Variants in NT5E observed in about 807,000 individuals in gnomAD.
NT5E encodes 5'-nucleotidase.
In NT5E, 53 loss-of-function variants were observed where a neutral mutation model predicts 55.1. The observed-to-expected ratio is 0.96, with a 90% CI of 0.77 to 1.21. The LOEUF is 1.21. NT5E is among the 50% of genes most tolerant of loss of function. The pLI, the probability that NT5E is intolerant of heterozygous loss-of-function variation, is 0.00. For missense variants in NT5E, 683 were observed against 724.3 expected (o/e 0.94, Z 0.65); for synonymous variants, 270 against 278.4 (o/e 0.97, Z 0.30).
At chr6:85,479,027 G>T (rs535285584) in intron 3 of NT5E, among the ~76,000 whole-genome samples, 1 of 151,950 alleles carries the variant, frequency 6.6e-6, no homozygotes, top group Non-Finnish European at 1.5e-5. Flanking sequence ...GTCATAAGGC[G>T]GTAGGACTAT....
chr6:85,474,871 A>C (rs988506152), intron 3 of NT5E, among the ~76,000 whole-genome samples: 11 of 152,122 alleles, frequency 7.2e-5, no homozygotes, highest in African/African-American at 2.4e-4. Context: ...GAGGTTGAGG[A>C]TGCAGTGAGC....
chr6:85,483,464 C>A (rs1462346586), intron 3 of NT5E, among the ~76,000 whole-genome samples: 1 of 152,250 alleles, frequency 6.6e-6, no homozygotes, highest in Non-Finnish European at 1.5e-5. Flanking sequence ...ATCACGTTAT[C>A]TGCCACTGTC....
chr6:85,492,003 C>G lies in NT5E; in HGVS notation c.1387C>G (p.Arg463Gly). ...GGIHVVYDLS[R>G]KPGDRVVKLD... is the part of the protein sequence containing the mutation. Reference sequence around the variant, plus strand: ...AATCCATGTGGTGTATGATCTTTCCCGAAAACCTGGAGACAGAGTAGTCAA... The same window carrying G: ...AATCCATGTGGTGTATGATCTTTCCGGAAAACCTGGAGACAGAGTAGTCAA... Residue 463 changes from arginine to glycine, a missense_variant, in exon 8 of 9, where the codon CGA becomes GGA. Coordinates refer to ENST00000257770, the MANE Select transcript of NT5E (RefSeq NM_002526.4). The G allele has an allele frequency of 6.2e-7, 1 of 1,614,024 alleles. No homozygotes were observed. The highest frequency in any genetic ancestry group is 8.5e-7 in the Non-Finnish European group (1 of 1,179,958).
rs750418211 is a variant in NT5E at position 85,490,667 on chromosome 6, CCA to C, written c.1360+11_1360+12del. 2.9e-4 allele frequency: 460 copies of C among 1,613,634 alleles called. 7 individuals carry two copies. The South Asian group carries it at 4.5e-3, about 16-fold the overall frequency. The stretch of plus-strand genomic sequence containing the variant: ...TTCCTGCAGGTGGGCGGTAAGTCAC[CCA>C]TCCTGTAGGGCTGGCCCATCCAAAG... On this transcript the variant is annotated intron_variant, in intron 7 of 8. Coordinates refer to ENST00000257770, the MANE Select transcript of NT5E (RefSeq NM_002526.4).
intron 3 of NT5E, among the ~76,000 whole-genome samples, chr6:85,483,497 A>G (rs1769589554): frequency 6.6e-6 from 1 of 152,264 alleles, no homozygotes; most frequent in African/African-American, 2.4e-5. Context: ...TGCATCCGCT[A>G]CAGATGGAGA....
chr6:85,474,046 T>C (rs1451230293), intron 3 of NT5E, among the ~76,000 whole-genome samples: 2 of 152,206 alleles, frequency 1.3e-5, no homozygotes, highest in East Asian at 3.8e-4. Flanking sequence ...TTTGTTCCCA[T>C]AACAGTACAG....
intron 1 of NT5E, among the ~76,000 whole-genome samples, chr6:85,463,920 A>T (rs996844452): frequency 2.0e-5 from 3 of 152,224 alleles, no homozygotes; most frequent in Non-Finnish European, 4.4e-5. Context: ...TCTGTGGAAA[A>T]GTTAGCTATG....
In NT5E at chr6:85,450,261, T is replaced by G; in HGVS notation, c.122T>G (p.Leu41Arg). Residue 41 changes from leucine to arginine, a missense_variant, in exon 1 of 9, where the codon CTG (leucine) becomes CGG (arginine). By Grantham distance (102) the Leu-to-Arg change is moderately radical. Coordinates refer to ENST00000257770, the MANE Select transcript of NT5E (RefSeq NM_002526.4). The surrounding 1 kb of genome is among the most constrained non-coding windows in gnomAD (Gnocchi z 4.0). ...ILHTNDVHSR[L>R]EQTSEDSSKC... ...CACACCAACGACGTGCACAGCCGGCTGGAGCAGACCAGCGAGGACTCCAGC... is the reference window on the plus strand; with the variant it reads ...CACACCAACGACGTGCACAGCCGGCGGGAGCAGACCAGCGAGGACTCCAGC... The G allele has an allele frequency of 6.2e-7, 1 of 1,609,520 alleles. No individual in the cohort carries two copies. The highest frequency in any genetic ancestry group is 8.5e-7 in the Non-Finnish European group (1 of 1,178,894).
chr6:85,460,967 C>T (rs1428975101), intron 1 of NT5E, among the ~76,000 whole-genome samples: 2 of 152,154 alleles, frequency 1.3e-5, no homozygotes, highest in African/African-American at 4.8e-5. Flanking sequence ...TATTCTGGAA[C>T]ATTTTATTTT....
intron 1 of NT5E, among the ~76,000 whole-genome samples, chr6:85,464,515 G>C (rs559580695): frequency 4.4e-4 from 67 of 152,172 alleles, no homozygotes; most frequent in African/African-American, 1.6e-3. Context: ...CACTTTATGG[G>C]GTGGGTGTCA....
intron 7 of NT5E, chr6:85,490,941 C>G (rs1214072378): frequency 3.7e-6 from 2 of 540,066 alleles, no homozygotes; most frequent in African/African-American, 3.8e-5. Flanking sequence ...GCTTTGAGGT[C>G]TAGTTTCTAA....
At chr6:85,483,493 C>T (rs1032720152) in intron 3 of NT5E, among the ~76,000 whole-genome samples, 3 of 152,218 alleles carry the variant, frequency 2.0e-5, no homozygotes, top group Non-Finnish European at 4.4e-5. Flanking sequence ...CATCTGCATC[C>T]GCTACAGATG....
intron 3 of NT5E, 46 bp from the exon 4 acceptor site, chr6:85,485,189 G>A (rs758839004): frequency 1.3e-6 from 2 of 1,581,940 alleles, no homozygotes; most frequent in Non-Finnish European, 8.7e-7. Flanking sequence ...AGCCAGCCAT[G>A]TATGTACAAG....
At chr6:85,464,441 C>G (rs1769150413) in intron 1 of NT5E, among the ~76,000 whole-genome samples, 1 of 152,088 alleles carries the variant, frequency 6.6e-6, no homozygotes. Context: ...CTGAGATGTG[C>G]CCTGGGTCAC....
chr6:85,487,404 G>A lies in NT5E; in HGVS notation c.1019G>A (p.Gly340Glu), dbSNP rs1769690288. 1 of 1,613,970 alleles carries A rather than the reference G, an allele frequency of 6.2e-7. No individual in the cohort carries two copies. The highest frequency in any genetic ancestry group is 2.2e-5 in the East Asian group (1 of 44,870). ...GATAATTATTCTACCCAGGAATTAG[G>A]GAAAACAATTGTCTATCTGGATGGC... ...KLDNYSTQEL[G>E]KTIVYLDGSS... Residue 340 changes from glycine to glutamate, a missense_variant, in exon 5 of 9, where the codon GGG becomes GAG. Gly to Glu is a moderately conservative substitution (Grantham distance 98). Transcript: ENST00000257770.
chr6:85,483,164 G>C (rs1434009443), intron 3 of NT5E, among the ~76,000 whole-genome samples: 1 of 152,174 alleles, frequency 6.6e-6, no homozygotes, highest in East Asian at 1.9e-4. Flanking sequence ...GAAAGATAAA[G>C]GCCAAAAAAA....
At chr6:85,469,725 T>C (rs993653738) in intron 2 of NT5E, among the ~76,000 whole-genome samples, 1 of 152,230 alleles carries the variant, frequency 6.6e-6, no homozygotes, top group Admixed American at 6.5e-5. Flanking sequence ...TCTTGATTTT[T>C]CAACATTGCC....
chr6:85,489,576 C>T lies in NT5E; in HGVS notation c.1187C>T (p.Ser396Leu), dbSNP rs893170173. ...MCILNGGGIR[S>L]PIDERNNGTI... Reference sequence around the variant, plus strand: ...ATTTTAAATGGAGGTGGTATCCGGTCGCCCATTGATGAACGCAACAATGGT... The same window carrying T: ...ATTTTAAATGGAGGTGGTATCCGGTTGCCCATTGATGAACGCAACAATGGT... The change falls in exon 6 of 9, where the codon TCG becomes TTG. Residue 396 changes from serine to leucine, a missense_variant. Transcript: ENST00000257770. The T allele has an allele frequency of 1.2e-6, 2 of 1,613,522 alleles. No homozygotes were observed. The highest frequency in any genetic ancestry group is 1.1e-5 in the South Asian group (1 of 90,986).
At position 85,467,301 on chromosome 6, in the gene NT5E, G is replaced by T. The variant is rs781623856; in HGVS notation, c.562+19G>T. 4 of 1,590,226 alleles carry T rather than the reference G, an allele frequency of 2.5e-6. No homozygotes were observed. Among genetic ancestry groups the T allele is most frequent in the Non-Finnish European group, 3.5e-6 (4 of 1,158,878 alleles). Reference sequence around the variant, plus strand: ...AATCCAGGTATTTTCTACTTTTATAGCACTCAATGCTTGAAAATAGATGCC... The same window carrying T: ...AATCCAGGTATTTTCTACTTTTATATCACTCAATGCTTGAAAATAGATGCC... On this transcript the variant is annotated intron_variant, in intron 2 of 8. Transcript: ENST00000257770.
Sources: gnomAD v4.1 joint callset for allele counts (sites outside exome capture counted in the v4.1 genomes callset) on GRCh38, gnomAD v4.1.1 for gene constraint, Gnocchi (gnomAD v3.1) non-coding constraint, MANE v1.5 for transcripts, NCBI Gene and HGNC (gene_info 2026-07-23, HGNC 2026-07-21) for gene names.